DACH1: variants seen among roughly 807,000 people sequenced by gnomAD.
DACH1 encodes dachshund family transcription factor 1, also known as dachshund homolog 1.
Under a neutral mutation model 54.2 loss-of-function variants are expected in DACH1, and 12 were observed. That is an observed-to-expected ratio of 0.22 (90% CI 0.14 to 0.36). The LOEUF (loss-of-function observed/expected upper bound fraction) is 0.36. DACH1 is among the 10% of genes least tolerant of loss of function. DACH1 has a pLI of 1.00. For synonymous variants in DACH1, 386 were observed against 366.2 expected (o/e 1.05, Z -0.62); for missense variants, 805 against 929.8 (o/e 0.87, Z 1.75).
intron 6 of DACH1, among the ~76,000 whole-genome samples, chr13:71,519,898 T>TATATATATATATATATATATATAG: frequency 7.5e-6 from 1 of 132,952 alleles, no homozygotes; most frequent in Non-Finnish European, 1.7e-5. Context: ...TATATATATA[T>TATATATATATATATATATATATAG]ATATATATAT....
At chr13:71,733,230 C>T (rs533768382) in intron 1 of DACH1, among the ~76,000 whole-genome samples, 6 of 151,304 alleles carry the variant, frequency 4.0e-5, no homozygotes, top group African/African-American at 1.4e-4. Flanking sequence ...GGCACAATCT[C>T]GACTCACTGC....
intron 3 of DACH1, among the ~76,000 whole-genome samples, chr13:71,615,788 C>T (rs1470567009): frequency 6.6e-6 from 1 of 152,106 alleles, no homozygotes; most frequent in African/African-American, 2.4e-5. Context: ...TCTGGGAATA[C>T]TGGAAAGTCT....
At chr13:71,629,348 C>T (rs1856464996) in intron 3 of DACH1, among the ~76,000 whole-genome samples, 1 of 152,106 alleles carries the variant, frequency 6.6e-6, no homozygotes. Flanking sequence ...CTCGCACTCA[C>T]ACCTACTCTC....
At chr13:71,658,559 G>A (rs1043520511) in intron 2 of DACH1, among the ~76,000 whole-genome samples, 1 of 151,854 alleles carries the variant, frequency 6.6e-6, no homozygotes, top group African/African-American at 2.4e-5. Context: ...TCAAAAAAAA[G>A]TAATAAAAAA....
At chr13:71,508,365 T>C (rs1880496291) in intron 6 of DACH1, among the ~76,000 whole-genome samples, 1 of 152,242 alleles carries the variant, frequency 6.6e-6, no homozygotes, top group African/African-American at 2.4e-5. Context: ...AATTTTTATT[T>C]TCTCTTAGAA....
At chr13:71,552,028 C>T (rs1314511785) in intron 6 of DACH1, among the ~76,000 whole-genome samples, 1 of 152,032 alleles carries the variant, frequency 6.6e-6, no homozygotes, top group Non-Finnish European at 1.5e-5. Flanking sequence ...TCAGATTAGT[C>T]CTGCCTCTGA....
chr13:71,815,953 C>T (rs959307089), intron 1 of DACH1, among the ~76,000 whole-genome samples: 7 of 151,734 alleles, frequency 4.6e-5, no homozygotes, highest in Admixed American at 6.6e-5. Context: ...GGCGTGGTAG[C>T]GGGCGCCTGT....
intron 1 of DACH1, among the ~76,000 whole-genome samples, chr13:71,787,311 G>A (rs976657931): frequency 3.9e-5 from 6 of 152,176 alleles, no homozygotes; most frequent in Admixed American, 2.0e-4. Context: ...GGCAAATAAA[G>A]TCTAGTTGTG....
At chr13:71,557,246 G>A in intron 5 of DACH1, 88 bp from the exon 6 acceptor site, 1 of 1,130,260 alleles carries the variant, frequency 8.8e-7, no homozygotes, top group Non-Finnish European at 1.2e-6. Context: ...AACTCTCTTG[G>A]ACTCAACAGT....
intron 1 of DACH1, among the ~76,000 whole-genome samples, chr13:71,746,250 T>G (rs763126120): frequency 8.6e-5 from 13 of 151,972 alleles, no homozygotes; most frequent in Non-Finnish European, 1.3e-4. Flanking sequence ...AACAACATCA[T>G]GTACAAGAAA....
intron 1 of DACH1, among the ~76,000 whole-genome samples, chr13:71,771,238 A>C (rs1410697614): frequency 1.3e-5 from 2 of 151,144 alleles, no homozygotes; most frequent in African/African-American, 2.4e-5. Flanking sequence ...AGAAAGAAAT[A>C]TACTATTAAG....
At chr13:71,865,657 A>G (rs4883897) in intron 1 of DACH1, among the ~76,000 whole-genome samples, 103,306 of 151,920 alleles carry the variant, frequency 0.68, 35,811 homozygotes, top group Middle Eastern at 0.84. Flanking sequence ...CGGCTTTCCC[A>G]CATCCCACAG....
intron 6 of DACH1, among the ~76,000 whole-genome samples, chr13:71,552,826 T>TAGAGAGAGAG (rs1883935385): frequency 2.1e-5 from 1 of 48,596 alleles, no homozygotes; most frequent in Non-Finnish European, 3.9e-5. Flanking sequence ...TATATATATA[T>TAGAGAGAGAG]ATATATATAT....
At chr13:71,850,134 A>G (rs1232201090) in intron 1 of DACH1, among the ~76,000 whole-genome samples, 1 of 152,234 alleles carries the variant, frequency 6.6e-6, no homozygotes, top group African/African-American at 2.4e-5. Flanking sequence ...TCTCATAGGT[A>G]TACATCAGTA....
At chr13:71,487,221 T>C (rs1212186402) in intron 7 of DACH1, among the ~76,000 whole-genome samples, 1 of 152,148 alleles carries the variant, frequency 6.6e-6, no homozygotes, top group Non-Finnish European at 1.5e-5. Context: ...TCCCTATAAT[T>C]TGGGAATAGA....
chr13:71,627,633 G>C (rs985041613), intron 3 of DACH1, among the ~76,000 whole-genome samples: 1 of 151,958 alleles, frequency 6.6e-6, no homozygotes, highest in African/African-American at 2.4e-5. Flanking sequence ...CATGGTAATC[G>C]GTTCTCCTGG....
intron 1 of DACH1, among the ~76,000 whole-genome samples, chr13:71,730,433 A>G (rs531626067): frequency 2.0e-5 from 3 of 152,226 alleles, no homozygotes; most frequent in Non-Finnish European, 4.4e-5. Context: ...TTTCAATCAC[A>G]TGAAGGACAA....
At chr13:71,558,774 AT>A (rs1884412680) in intron 5 of DACH1, among the ~76,000 whole-genome samples, 1 of 152,056 alleles carries the variant, frequency 6.6e-6, no homozygotes, top group Admixed American at 6.6e-5. Flanking sequence ...ATAATTGACT[AT>A]CTTTTATTTA....
intron 2 of DACH1, among the ~76,000 whole-genome samples, chr13:71,640,408 G>T (rs1490931306): frequency 1.3e-5 from 2 of 151,920 alleles, no homozygotes; most frequent in East Asian, 1.9e-4. Flanking sequence ...TACTGTATTG[G>T]TGAAATACAA....
Sources: allele counts gnomAD v4.1 joint callset (sites outside exome capture counted in the v4.1 genomes callset), GRCh38; gene constraint gnomAD v4.1.1; transcripts MANE v1.5; gene names NCBI Gene and HGNC (gene_info 2026-07-23, HGNC 2026-07-21).